The following CYREN variants were observed in gnomAD, a reference collection of about 807,000 sequenced individuals.
CYREN encodes the protein cell cycle regulator of non-homologous end joining.
Under a neutral mutation model 9.7 loss-of-function variants are expected in CYREN, and 7 were observed. That is an observed-to-expected ratio of 0.72 (90% CI 0.41 to 1.36). The LOEUF is 1.36. Among genes scored for constraint, CYREN ranks in the 40% most tolerant of loss-of-function variants. CYREN has a pLI of 0.01. For synonymous variants in CYREN, 76 were observed against 77.9 expected (o/e 0.98, Z 0.13); for missense variants, 215 against 198.1 (o/e 1.09, Z -0.51).
chr7:135,156,481 G>T (rs1829796540), intron 2 of CYREN, among the ~76,000 whole-genome samples: 1 of 151,672 alleles, frequency 6.6e-6, no homozygotes, highest in Non-Finnish European at 1.5e-5. Flanking sequence ...TCTTCTGCTT[G>T]GTGTAGTCTA....
Position 135,116,661 on chromosome 7 carries a change from C to T in CYREN, n.357-22079G>A, listed in dbSNP as rs367857357. On this transcript the variant is annotated intron_variant and non_coding_transcript_variant, in intron 2 of 2. Transcript: ENST00000459937. ...GTCAAAGTTCTGGCTTCTATTTGTT[C>T]TTCTTTGACTCCACCCTAGCAGAGG... is the stretch of plus-strand genomic sequence containing the variant. Among the ~76,000 whole-genome samples the T allele has an allele frequency of 7.5e-4, 114 of 152,248 alleles. No homozygotes were observed. In the Middle Eastern group the frequency reaches 0.017, roughly 23 times the overall value.
intron 2 of CYREN, among the ~76,000 whole-genome samples, chr7:135,150,344 T>C (rs2117421841): frequency 6.6e-6 from 1 of 152,324 alleles, no homozygotes; most frequent in Middle Eastern, 3.4e-3. Context: ...CCCTGTTTAT[T>C]TCTTTCCCAA....
chr7:135,167,874 GGA>G, intron 2 of CYREN, 67 bp from the exon 3 acceptor site: 1 of 1,607,972 alleles, frequency 6.2e-7, no homozygotes. Flanking sequence ...AAAGAGAACA[GGA>G]GAAGCAGGGC....
At chr7:135,100,039 C>G (rs1397989557) in intron 2 of CYREN, 1 of 152,184 alleles carries the variant, frequency 6.6e-6, no homozygotes, top group Non-Finnish European at 1.5e-5. Context: ...AGGCACCCGC[C>G]ACCATACCTG....
At chr7:135,155,815 T>C (rs1364752) in intron 2 of CYREN, among the ~76,000 whole-genome samples, 73,784 of 152,082 alleles carry the variant, frequency 0.49, 18,264 homozygotes, top group South Asian at 0.65. Context: ...TGCACTACTG[T>C]ATTCCAGGTT....
chr7:135,122,878 AC>A (rs1393134584), intron 2 of CYREN, among the ~76,000 whole-genome samples: 13 of 152,130 alleles, frequency 8.5e-5, no homozygotes, highest in East Asian at 1.9e-4. Flanking sequence ...CCCCAGAAAA[AC>A]CCCATCCAAG....
chr7:135,149,907 G>T (rs1052697502), intron 2 of CYREN, among the ~76,000 whole-genome samples: 11 of 152,096 alleles, frequency 7.2e-5, no homozygotes, highest in African/African-American at 2.7e-4. Context: ...TTTCATAGTT[G>T]TGGTAGATAT....
rs140086989 is a variant in CYREN at position 135,167,283 on chromosome 7, T to C, written c.214-412A>G. ...ACATAACGCATGCTTTCAAGGCACC[T>C]GGTAAACTGTAGAATGCTGTGCAAC... On this transcript the variant is annotated intron_variant, in intron 3 of 3. Coordinates refer to ENST00000393114, the MANE Select transcript of CYREN (RefSeq NM_024033.4). 1.3e-4 allele frequency: 137 copies of C among 1,068,438 alleles called. No individual in the cohort carries two copies. In the African/African-American group the frequency reaches 2.2e-3, roughly 17 times the overall value. The allele number at this position is 1,068,438 out of a possible 1,614,324, so 66.2% of individuals were successfully genotyped here.
downstream of CYREN, among the ~76,000 whole-genome samples, chr7:135,163,162 GATC>G (rs544975319): frequency 3.6e-3 from 554 of 152,312 alleles, 5 homozygotes; most frequent in Middle Eastern, 0.017. Context: ...CACAGCCATT[GATC>G]ATGTTTTTGA....
At chr7:135,129,659 T>C (rs4728353) in intron 2 of CYREN, 229,499 of 778,014 alleles carry the variant, frequency 0.29, 41,265 homozygotes, top group East Asian at 0.57. Flanking sequence ...TGGATGTTGA[T>C]GAAGATATTT....
intron 2 of CYREN, among the ~76,000 whole-genome samples, chr7:135,113,580 AT>A (rs1197684027): frequency 6.6e-6 from 1 of 152,166 alleles, no homozygotes; most frequent in African/African-American, 2.4e-5. Context: ...ATTATAGGAC[AT>A]TTTTTTAAAT....
chr7:135,140,306 T>A (rs1829429647), intron 2 of CYREN, among the ~76,000 whole-genome samples: 1 of 152,168 alleles, frequency 6.6e-6, no homozygotes, highest in Non-Finnish European at 1.5e-5. Context: ...TCGTAGGTAT[T>A]TTTATCTACT....
chr7:135,117,425 A>G (rs778444384), intron 2 of CYREN, among the ~76,000 whole-genome samples: 10 of 152,228 alleles, frequency 6.6e-5, no homozygotes, highest in Non-Finnish European at 1.5e-4. Flanking sequence ...ATAATTCTGC[A>G]AACTCTTACA....
At chr7:135,148,388 G>A in intron 2 of CYREN, 1 of 313,390 alleles carries the variant, frequency 3.2e-6, no homozygotes, top group East Asian at 9.3e-5. Flanking sequence ...GAACTCACTG[G>A]TTGTTCAGTA....
chr7:135,165,748 C>T (rs1013372072), downstream of CYREN: 1 of 167,158 alleles, frequency 6.0e-6, no homozygotes, highest in African/African-American at 2.4e-5. Context: ...CTCCACTTCC[C>T]AACCCAGAAC....
At chr7:135,107,425 A>G (rs188653780) in intron 2 of CYREN, among the ~76,000 whole-genome samples, 97 of 152,308 alleles carry the variant, frequency 6.4e-4, no homozygotes, top group African/African-American at 2.2e-3. Context: ...CTTTGTTCTC[A>G]TTAATTAAAA....
chr7:135,164,841 T>C, downstream of CYREN: 2 of 1,613,974 alleles, frequency 1.2e-6, no homozygotes, highest in South Asian at 2.2e-5. Flanking sequence ...CCTGGGCCTC[T>C]TCCTCTCCTA....
chr7:135,144,938 TAAAAA>T (rs58443282), intron 2 of CYREN, among the ~76,000 whole-genome samples: 11,061 of 45,372 alleles, frequency 0.24, 165 homozygotes, highest in South Asian at 0.38. Flanking sequence ...CTCAAAAGAG[TAAAAA>T]AAAAAAAAAA....
chr7:135,135,282 A>G (rs1829294657), intron 2 of CYREN: 1 of 1,462,518 alleles, frequency 6.8e-7, no homozygotes, highest in East Asian at 2.5e-5. Context: ...TACTGCTCTG[A>G]GAACTGTGAA....
Sources: gnomAD v4.1 joint callset for allele counts (sites outside exome capture counted in the v4.1 genomes callset) on GRCh38, gnomAD v4.1.1 for gene constraint, MANE v1.5 for transcripts, NCBI Gene and HGNC (gene_info 2026-07-23, HGNC 2026-07-21) for gene names.